Variants in MIDN observed in about 807,000 individuals in gnomAD.
The protein encoded by MIDN is midbrain nucleolar protein.
Under a neutral mutation model 46.1 loss-of-function variants are expected in MIDN, and 26 were observed. The observed-to-expected ratio is 0.56, with a 90% CI of 0.41 to 0.78. The LOEUF (loss-of-function observed/expected upper bound fraction) is 0.78. MIDN is among the 30% of genes least tolerant of loss of function. MIDN has a pLI of 0.00. For missense variants in MIDN, 850 were observed against 771.8 expected, an observed-to-expected ratio of 1.10 and a Z score of -1.20; for synonymous variants, 432 against 343.3, an observed-to-expected ratio of 1.26 and a Z score of -2.86.
In MIDN at chr19:1,257,415, T is replaced by C. The variant is rs2081213440; in HGVS notation, c.*143T>C. On this transcript the variant is annotated 3_prime_UTR_variant, in exon 9 of 9. Coordinates refer to ENST00000682408, the MANE Select transcript of MIDN (RefSeq NM_001388306.1). ...GAAGTCTTTTTTTCTTTTCTTCTTT[T>C]TTATTATTTTTTTCTTTTTTTAAAA... is the stretch of plus-strand genomic sequence containing the variant. The C allele has an allele frequency of 3.1e-6, 2 of 645,698 alleles. No homozygotes were observed. Among genetic ancestry groups the C allele is most frequent in the African/African-American group, 1.9e-5 (1 of 52,656 alleles). The allele number at this position is 645,698 out of a possible 1,614,324, so 40.0% of individuals were successfully genotyped here.
intron 7 of MIDN, 65 bp downstream of exon 7, chr19:1,255,126 A>G: frequency 5.8e-6 from 9 of 1,541,794 alleles, no homozygotes; most frequent in Non-Finnish European, 8.0e-6. Flanking sequence ...TGGGGTCTAC[A>G]TCCACCCACA....
At position 1,255,530 on chromosome 19, in the gene MIDN, G is replaced by A; in HGVS notation, c.1094G>A (p.Gly365Asp). 6.2e-7 allele frequency: 1 copy of A among 1,611,860 alleles called. No homozygotes were observed. Among genetic ancestry groups the A allele is most frequent in the Non-Finnish European group, 8.5e-7 (1 of 1,179,568 alleles). Residue 365 changes from glycine (G) to aspartate (D), a missense_variant, in exon 8 of 9, where the codon GGC becomes GAC. Physicochemically the swap from Gly to Asp is moderately conservative, Grantham distance 94 (BLOSUM62 -1). Transcript: ENST00000682408. Reference sequence around the variant, plus strand: ...CTGAGCGCCACCCGGCACTACCAGGGCATGCCCCCTTCGCTGGCCCAGCTC... The same window carrying A: ...CTGAGCGCCACCCGGCACTACCAGGACATGCCCCCTTCGCTGGCCCAGCTC... ...DLLSATRHYQ[G>D]MPPSLAQLRC...
At chr19:1,252,015 A>G in intron 4 of MIDN, 114 bp downstream of exon 4, 1 of 847,162 alleles carries the variant, frequency 1.2e-6, no homozygotes, top group Non-Finnish European at 1.9e-6. Flanking sequence ...AGGGGAGGGG[A>G]CGCGCCACCC....
In MIDN at chr19:1,256,720, TCAGGCCTGTCTCGAACTCCTGAGGTTGCC is replaced by T. The variant is rs1157869992; in HGVS notation, c.1259-251_1259-223del. Among the ~76,000 whole-genome samples the T allele has an allele frequency of 3.9e-5, 6 of 152,124 alleles. 1 individual carries two copies. The highest frequency in any genetic ancestry group is 1.3e-4 in the Admixed American group (2 of 15,278). Reference sequence around the variant, plus strand: ...TAGAGGAGGGGTCTCGCTCTGTGGCTCAGGCCTGTCTCGAACTCCTGAGGTTGCCCAGGCCTGTCTCGAACTCCTGAGCT... The same window carrying T: ...TAGAGGAGGGGTCTCGCTCTGTGGCTCAGGCCTGTCTCGAACTCCTGAGCT... On this transcript the variant is annotated intron_variant, in intron 8 of 8. Coordinates refer to ENST00000682408, the MANE Select transcript of MIDN (RefSeq NM_001388306.1).
At position 1,258,680 on chromosome 19, in the gene MIDN, C is replaced by T. The variant is rs558763464; in HGVS notation, c.*1408C>T. 3.1e-5 allele frequency: 4 copies of T among 128,718 alleles called. No individual in the cohort carries two copies. Among genetic ancestry groups the T allele is most frequent in the South Asian group, 5.5e-4 (2 of 3,668 alleles). The allele number at this position is 128,718 out of a possible 1,614,324, so 8.0% of individuals were successfully genotyped here. On this transcript the variant is annotated 3_prime_UTR_variant, in exon 9 of 9. Transcript: ENST00000682408. ...GAAAGTTAATGGTTTCAGATGTGAA[C>T]ATCACGTGTTATAACTGTAGCGCTG...
chr19:1,256,875 C>T (rs2081205095), intron 8 of MIDN, 120 bp from the exon 9 acceptor site: 3 of 1,448,584 alleles, frequency 2.1e-6, no homozygotes, highest in Non-Finnish European at 2.8e-6. Flanking sequence ...CTTTGCTGAC[C>T]TCCCTCCAGG....
intron 7 of MIDN, among the ~76,000 whole-genome samples, 158 bp downstream of exon 7, chr19:1,255,219 G>A (rs11879120): frequency 4.6e-5 from 7 of 152,134 alleles, no homozygotes; most frequent in African/African-American, 1.4e-4. Context: ...CCACACACAC[G>A]CCTGGCCCTG....
chr19:1,249,588 A>G (rs2081096747), intron 1 of MIDN, among the ~76,000 whole-genome samples: 1 of 148,122 alleles, frequency 6.8e-6, no homozygotes, highest in Non-Finnish European at 1.5e-5. Flanking sequence ...GGCGCTTATG[A>G]ATGGCTGCGG....
intron 8 of MIDN, among the ~76,000 whole-genome samples, chr19:1,256,667 C>G (rs1211413216): frequency 6.6e-6 from 1 of 152,086 alleles, no homozygotes; most frequent in Non-Finnish European, 1.5e-5. Flanking sequence ...GCAAACACCA[C>G]CATGCCCAGC....
At position 1,250,348 on chromosome 19, in the gene MIDN, G is replaced by C; in HGVS notation, c.52G>C (p.Gly18Arg). 4.7e-6 allele frequency: 5 copies of C among 1,060,404 alleles called. No homozygotes were observed. Among genetic ancestry groups the C allele is most frequent in the Non-Finnish European group, 5.7e-6 (5 of 877,964 alleles). 65.7% of individuals were successfully genotyped at this position (1,060,404 alleles called of 1,614,324 possible). A position where few individuals can be genotyped will look rare whatever the true frequency, so the allele number is the denominator to read the frequency against. ...ARSCRRGAPG[G>R]ACELGPAAEA... is the part of the protein sequence containing the mutation. ...GAGCTGCCGGCGCGGGGCCCCCGGC[G>C]GCGCCTGCGAGCTGGGCCCGGCGGC... Residue 18 changes from glycine to arginine, a missense_variant, in exon 2 of 9, where the codon GGC (glycine) becomes CGC (arginine). Transcript: ENST00000682408.
At chr19:1,250,567 G>GCCCCGGC (rs1157129508) in intron 2 of MIDN, 38 bp downstream of exon 2, 1 of 1,087,908 alleles carries the variant, frequency 9.2e-7, no homozygotes, top group Non-Finnish European at 1.1e-6. Context: ...GCCCCCTCGG[G>GCCCCGGC]CCCCGGCCCC....
Position 1,255,676 on chromosome 19 carries a change from C to A in MIDN, c.1240C>A (p.Arg414Ser). ...ASLLQGQSQI[R>S]MCKPPGDRLR... ...CCTGCTGCAGGGCCAGAGCCAGATC[C>A]GCATGTGCAAGCCCCCGGGTGAGTG... The change falls in exon 8 of 9, where the codon CGC becomes AGC. Residue 414 changes from arginine (R) to serine (S), a missense_variant. Transcript: ENST00000682408. The A allele has an allele frequency of 6.3e-7, 1 of 1,591,666 alleles. No homozygotes were observed. Among genetic ancestry groups the A allele is most frequent in the Admixed American group, 1.7e-5 (1 of 59,206 alleles).
rs141429373 is a variant in MIDN, at chr19:1,257,421, A to T, written c.*149A>T. 1 of 633,496 alleles carries T rather than the reference A, an allele frequency of 1.6e-6. No individual in the cohort carries two copies. The highest frequency in any genetic ancestry group is 2.7e-6 in the Non-Finnish European group (1 of 368,076). The allele number at this position is 633,496 out of a possible 1,614,324, so 39.2% of individuals were successfully genotyped here. On this transcript the variant is annotated 3_prime_UTR_variant, in exon 9 of 9. Coordinates refer to ENST00000682408, the MANE Select transcript of MIDN (RefSeq NM_001388306.1). Reference sequence around the variant, plus strand: ...TTTTTTTCTTTTCTTCTTTTTTATTATTTTTTTCTTTTTTTAAAAAGTTCT... The same window carrying T: ...TTTTTTTCTTTTCTTCTTTTTTATTTTTTTTTTCTTTTTTTAAAAAGTTCT...
intron 7 of MIDN, among the ~76,000 whole-genome samples, 160 bp downstream of exon 7, chr19:1,255,221 C>G (rs1231365486): frequency 6.6e-6 from 1 of 152,160 alleles, no homozygotes; most frequent in Non-Finnish European, 1.5e-5. Context: ...ACACACACGC[C>G]TGGCCCTGCC....
At position 1,257,261 on chromosome 19, in the gene MIDN, G is replaced by T; in HGVS notation, c.1525G>T (p.Val509Leu). 6.2e-7 allele frequency: 1 copy of T among 1,611,998 alleles called. No individual in the cohort carries two copies. Among genetic ancestry groups the T allele is most frequent in the East Asian group, 2.2e-5 (1 of 44,856 alleles). ...EVNPDIKSEF[V>L]VA ...CAACCCTGACATCAAGTCAGAGTTC[G>T]TGGTGGCTTAGGATCTTCGGATCGG... is the stretch of plus-strand genomic sequence containing the variant. Residue 509 changes from valine to leucine, a missense_variant, in exon 9 of 9, where the codon GTG (valine) becomes TTG (leucine). Coordinates refer to ENST00000682408, the MANE Select transcript of MIDN (RefSeq NM_001388306.1).
In MIDN at chr19:1,248,650, GGCC is replaced by G. The variant is rs1339432775; in HGVS notation, c.-415_-413del. ...CTCGCAGCACTTGGAGCGCAGAACC[GGCC>G]GCGCCCGGTGAGTGTGGAGGGGGGG... is the stretch of plus-strand genomic sequence containing the variant. On this transcript the variant is annotated 5_prime_UTR_variant, in exon 1 of 9. Coordinates refer to ENST00000682408, the MANE Select transcript of MIDN (RefSeq NM_001388306.1). 2 of 152,498 alleles carry G rather than the reference GGCC, an allele frequency of 1.3e-5. No individual in the cohort carries two copies. Among genetic ancestry groups the G allele is most frequent in the African/African-American group, 4.8e-5 (2 of 41,472 alleles). 9.4% of individuals were successfully genotyped at this position (152,498 alleles called of 1,614,324 possible).
rs540641478 is a variant in MIDN at position 1,256,867 on chromosome 19, T to C, written c.1259-128T>C. The C allele has an allele frequency of 9.3e-5, 130 of 1,398,222 alleles. No individual in the cohort carries two copies. The African/African-American group carries it at 1.8e-3, about 19-fold the overall frequency. 86.6% of individuals were successfully genotyped at this position (1,398,222 alleles called of 1,614,324 possible). On this transcript the variant is annotated intron_variant, in intron 8 of 8. Transcript: ENST00000682408. The stretch of plus-strand genomic sequence containing the variant: ...TGGTGGATGTCCTTGACTGTTTCCT[T>C]TGCTGACCTCCCTCCAGGGAGGGCA...
chr19:1,258,355 C>A lies in MIDN; in HGVS notation c.*1083C>A, dbSNP rs530593560. The A allele has an allele frequency of 6.6e-6, 1 of 152,548 alleles. No individual in the cohort carries two copies. The highest frequency in any genetic ancestry group is 2.4e-5 in the African/African-American group (1 of 41,428). 9.4% of individuals were successfully genotyped at this position (152,548 alleles called of 1,614,324 possible). A position where few individuals can be genotyped will look rare whatever the true frequency, so the allele number is the denominator to read the frequency against. ...TCCCCTGGGCAGGGGGCGACAACTC[C>A]GTGTAGCATTAACCCCCGTGGCGGG... On this transcript the variant is annotated 3_prime_UTR_variant, in exon 9 of 9. Coordinates refer to ENST00000682408, the MANE Select transcript of MIDN (RefSeq NM_001388306.1).
chr19:1,248,860 C>T (rs1484662483), intron 1 of MIDN, among the ~76,000 whole-genome samples, 200 bp downstream of exon 1: 1 of 152,058 alleles, frequency 6.6e-6, no homozygotes, highest in Non-Finnish European at 1.5e-5. Flanking sequence ...CGCCCCGCCC[C>T]CCGGGGCACT....
Sources: gnomAD v4.1 joint callset for allele counts (sites outside exome capture counted in the v4.1 genomes callset) on GRCh38, gnomAD v4.1.1 for gene constraint, MANE v1.5 for transcripts, NCBI Gene and HGNC (gene_info 2026-07-23, HGNC 2026-07-21) for gene names.